The following MMS22L variants were observed in gnomAD, a reference collection of about 807,000 sequenced individuals.
MMS22L encodes protein MMS22-like.
MMS22L carries 74 observed loss-of-function variants against 159.1 expected under a neutral mutation model. The ratio of observed to expected loss-of-function variants is 0.47; its 90% CI spans 0.39 to 0.56. The LOEUF is 0.56. Ranked by LOEUF, MMS22L falls within the 20% of genes least tolerant of loss-of-function variation. MMS22L has a pLI of 0.00. For synonymous variants in MMS22L, 517 were observed against 506.9 expected (o/e 1.02, Z -0.27); for missense variants, 1,351 against 1,422.1 (o/e 0.95, Z 0.80).
chr6:97,276,577 A>G (rs913079583), intron 4 of MMS22L, among the ~76,000 whole-genome samples: 1 of 152,190 alleles, frequency 6.6e-6, no homozygotes. Flanking sequence ...TTCATCACTC[A>G]CACACATTCT....
chr6:97,174,249 CAA>C (rs1161504029), intron 18 of MMS22L, among the ~76,000 whole-genome samples: 1 of 106,842 alleles, frequency 9.4e-6, no homozygotes, highest in Non-Finnish European at 1.9e-5. Flanking sequence ...AAGACTGTCT[CAA>C]AAAAAAAATA....
chr6:97,254,665 G>A lies in MMS22L; in HGVS notation c.1011C>T (p.Ser337=), dbSNP rs780279137. Residue 337 remains serine, a synonymous_variant, in exon 10 of 25, where the codon TCC becomes TCT. Transcript: ENST00000683635. ...LLEKSSDRRR[S]SMPVIQSRDP... is the part of the protein sequence containing the mutation. ...CCCTGGACTGGATTACAGGCATAGA[G>A]GATCTTCTTCGGTCACTTGATTTTT... is the stretch of plus-strand genomic sequence containing the variant. The A allele has an allele frequency of 6.2e-7, 1 of 1,612,794 alleles. No individual in the cohort carries two copies. Among genetic ancestry groups the A allele is most frequent in the South Asian group, 1.1e-5 (1 of 90,788 alleles).
Position 97,150,019 on chromosome 6 carries a change from G to C in MMS22L, c.3484C>G (p.Gln1162Glu). 1.9e-6 allele frequency: 3 copies of C among 1,612,328 alleles called. No homozygotes were observed. The highest frequency in any genetic ancestry group is 1.7e-6 in the Non-Finnish European group (2 of 1,179,192). The change falls in exon 24 of 25, where the codon CAG becomes GAG. Residue 1162 changes from glutamine to glutamate, a missense_variant and splice_region_variant. Transcript: ENST00000683635. ...CTCATACCATAATCCTGGATAAACTGCCTGAAAGTAAAACAGGTTTATTTA... is the reference window on the plus strand; with the variant it reads ...CTCATACCATAATCCTGGATAAACTCCCTGAAAGTAAAACAGGTTTATTTA... ...PSSQLTSVFR[Q>E]FIQDYGMRYY...
At chr6:97,188,858 A>G (rs989800965) in intron 14 of MMS22L, among the ~76,000 whole-genome samples, 1 of 152,094 alleles carries the variant, frequency 6.6e-6, no homozygotes, top group African/African-American at 2.4e-5. Flanking sequence ...GCAACTCAGG[A>G]GGCTGAGGTA....
At chr6:97,201,210 AT>A (rs1428983435) in intron 14 of MMS22L, among the ~76,000 whole-genome samples, 1 of 152,192 alleles carries the variant, frequency 6.6e-6, no homozygotes, top group African/African-American at 2.4e-5. Flanking sequence ...TAATAATGTA[AT>A]AATAAAGTAT....
At chr6:97,148,810 T>C (rs1476297684) in intron 24 of MMS22L, among the ~76,000 whole-genome samples, 1 of 152,168 alleles carries the variant, frequency 6.6e-6, no homozygotes, top group Non-Finnish European at 1.5e-5. Flanking sequence ...TCTACTACAA[T>C]AGTGTACAGT....
At chr6:97,167,970 T>C (rs1803141080) in intron 20 of MMS22L, 101 bp downstream of exon 20, 6 of 985,118 alleles carry the variant, frequency 6.1e-6, no homozygotes, top group Non-Finnish European at 8.8e-6. Flanking sequence ...CATTTGAGAT[T>C]ATAATGTACA....
chr6:97,165,672 T>G (rs532161958), intron 20 of MMS22L, among the ~76,000 whole-genome samples: 2 of 152,262 alleles, frequency 1.3e-5, no homozygotes, highest in East Asian at 3.9e-4. Context: ...TAAGCATGTG[T>G]GTCTGAGGTG....
intron 18 of MMS22L, 26 bp from the exon 19 acceptor site, chr6:97,173,248 A>T (rs370633125): frequency 1.3e-6 from 2 of 1,598,172 alleles, no homozygotes; most frequent in African/African-American, 2.7e-5. Context: ...AACATTATTT[A>T]ACTTCCCAAA....
intron 22 of MMS22L, among the ~76,000 whole-genome samples, chr6:97,159,839 T>C (rs370985437): frequency 1.3e-5 from 2 of 151,794 alleles, no homozygotes; most frequent in South Asian, 4.1e-4. Flanking sequence ...ATAATAAATA[T>C]GCAAATATTC....
At chr6:97,209,256 A>C (rs1037429509) in intron 14 of MMS22L, among the ~76,000 whole-genome samples, 10 of 152,078 alleles carry the variant, frequency 6.6e-5, no homozygotes, top group Non-Finnish European at 1.0e-4. Context: ...CCAAGAACAG[A>C]ATCTAATCCT....
chr6:97,162,284 G>A (rs1023201248), intron 21 of MMS22L, 119 bp from the exon 22 acceptor site: 1 of 704,294 alleles, frequency 1.4e-6, no homozygotes, highest in Admixed American at 3.3e-5. Context: ...AGTGCCACTT[G>A]TATAAAGTAT....
rs1562493371 is a variant in MMS22L at position 97,238,605 on chromosome 6, T to TGTGTGTGTG, written c.1183-4626_1183-4625insCACACACAC. Among the ~76,000 whole-genome samples the TGTGTGTGTG allele has an allele frequency of 1.1e-3, 129 of 119,876 alleles. 1 individual carries two copies. Among genetic ancestry groups the TGTGTGTGTG allele is most frequent in the African/African-American group, 4.3e-3 (123 of 28,760 alleles). The allele number at this position is 119,876 out of a possible 152,430, so 78.6% of individuals were successfully genotyped here. On this transcript the variant is annotated intron_variant, in intron 11 of 24. Coordinates refer to ENST00000683635, the MANE Select transcript of MMS22L (RefSeq NM_001350599.2). ...TGTGTGTGTGTGTGTGTGTGTGTGT[T>TGTGTGTGTG]TGAGTGTATCAGACGGGGAGAGAAT...
At chr6:97,278,819 C>T in intron 4 of MMS22L, 30 bp downstream of exon 4, 1 of 1,596,942 alleles carries the variant, frequency 6.3e-7, no homozygotes, top group Non-Finnish European at 8.6e-7. Flanking sequence ...AGCACCATTC[C>T]CTTTTGCATT....
intron 12 of MMS22L, among the ~76,000 whole-genome samples, chr6:97,232,867 C>T (rs887708629): frequency 6.6e-6 from 1 of 152,050 alleles, no homozygotes; most frequent in Non-Finnish European, 1.5e-5. Flanking sequence ...TTACCCCAAA[C>T]CCAAAACATC....
chr6:97,175,962 A>G (rs1339505349), intron 18 of MMS22L, among the ~76,000 whole-genome samples: 11 of 152,212 alleles, frequency 7.2e-5, no homozygotes, highest in Admixed American at 7.2e-4. Context: ...AAATAATCAC[A>G]CAAGTGCTTT....
intron 19 of MMS22L, among the ~76,000 whole-genome samples, chr6:97,172,429 T>C (rs1440049828): frequency 6.6e-6 from 1 of 152,106 alleles, no homozygotes; most frequent in Non-Finnish European, 1.5e-5. Flanking sequence ...AAATTCTATA[T>C]AAAAACTTCT....
At chr6:97,150,446 C>T (rs563907349) in intron 23 of MMS22L, among the ~76,000 whole-genome samples, 1 of 152,120 alleles carries the variant, frequency 6.6e-6, no homozygotes, top group Non-Finnish European at 1.5e-5. Flanking sequence ...ATGAGGAAAG[C>T]AAGTTATTCC....
At chr6:97,275,201 A>T (rs1816135178) in intron 4 of MMS22L, among the ~76,000 whole-genome samples, 1 of 152,238 alleles carries the variant, frequency 6.6e-6, no homozygotes, top group Non-Finnish European at 1.5e-5. Flanking sequence ...GAGAAAAACT[A>T]ATCAATACAA....
Sources: gnomAD v4.1 joint callset for allele counts (sites outside exome capture counted in the v4.1 genomes callset) on GRCh38, gnomAD v4.1.1 for gene constraint, MANE v1.5 for transcripts, NCBI Gene and HGNC (gene_info 2026-07-23, HGNC 2026-07-21) for gene names.